Variants in SLC13A1 observed in about 807,000 individuals in gnomAD.
SLC13A1 encodes the protein solute carrier family 13 member 1.
Under a neutral mutation model 70.0 loss-of-function variants are expected in SLC13A1, and 65 were observed. That is an observed-to-expected ratio of 0.93 (90% CI 0.76 to 1.14). SLC13A1 has a LOEUF of 1.14. Among genes scored for constraint, SLC13A1 ranks in the 50% most tolerant of loss-of-function variants. The pLI is 0.00. For missense variants in SLC13A1, 726 were observed against 717.8 expected, an observed-to-expected ratio of 1.01 and a Z score of -0.13; for synonymous variants, 275 against 250.5, an observed-to-expected ratio of 1.10 and a Z score of -0.92.
At chr7:123,164,385 T>C (rs1795006603) in intron 6 of SLC13A1, among the ~76,000 whole-genome samples, 1 of 151,982 alleles carries the variant, frequency 6.6e-6, no homozygotes, top group African/African-American at 2.4e-5. Flanking sequence ...TGAAGTAAGC[T>C]TATTGATCAG....
intron 1 of SLC13A1, among the ~76,000 whole-genome samples, chr7:123,188,595 A>T (rs1795894414): frequency 1.3e-5 from 2 of 149,934 alleles, no homozygotes; most frequent in East Asian, 2.0e-4. Context: ...GTTCTTTTTC[A>T]TTTTTCTGTT....
At chr7:123,138,620 G>A (rs777267270) in intron 7 of SLC13A1, among the ~76,000 whole-genome samples, 12 of 151,976 alleles carry the variant, frequency 7.9e-5, no homozygotes, top group Non-Finnish European at 1.8e-4. Flanking sequence ...TTTTACCTGG[G>A]GTGAGATGAT....
chr7:123,173,350 A>T (rs2116572598), intron 2 of SLC13A1, among the ~76,000 whole-genome samples: 1 of 152,280 alleles, frequency 6.6e-6, no homozygotes, highest in Admixed American at 6.5e-5. Flanking sequence ...TTCATTTATG[A>T]TGTCTTTCAA....
chr7:123,199,965 T>A lies in SLC13A1; in HGVS notation c.-19A>T. 6.5e-7 allele frequency: 1 copy of A among 1,531,310 alleles called. No individual in the cohort carries two copies. Among genetic ancestry groups the A allele is most frequent in the Non-Finnish European group, 9.0e-7 (1 of 1,108,702 alleles). The allele number at this position is 1,531,310 out of a possible 1,614,324, so 94.9% of individuals were successfully genotyped here. ...ATTTCATTGTCCTGAGCAGGTGGCT[T>A]CAATAGTGTCCTCCAAATAAAGCAG... On this transcript the variant is annotated 5_prime_UTR_variant, in exon 1 of 15. Coordinates refer to ENST00000194130, the MANE Select transcript of SLC13A1 (RefSeq NM_022444.4).
chr7:123,131,699 A>T (rs1793766447), intron 8 of SLC13A1, among the ~76,000 whole-genome samples: 1 of 152,176 alleles, frequency 6.6e-6, no homozygotes, highest in Non-Finnish European at 1.5e-5. Flanking sequence ...GGAGGTAAAC[A>T]CCTTGGCAGA....
rs1794984723 is a variant in SLC13A1, at chr7:123,163,676, G to A, written c.660+4698C>T. On this transcript the variant is annotated intron_variant, in intron 6 of 14. Coordinates refer to ENST00000194130, the MANE Select transcript of SLC13A1 (RefSeq NM_022444.4). ...TTTCTACCCAAAATGAAACCAGTCT[G>A]ATCCATAGTGTTGACTTTAAATGTT... 3.3e-5 allele frequency among the ~76,000 whole-genome samples: 5 copies of A among 152,102 alleles called. No homozygotes were observed. The South Asian group carries it at 1.0e-3, about 32-fold the overall frequency.
At position 123,189,001 on chromosome 7, in the gene SLC13A1, G is replaced by C. The variant is rs369222171; in HGVS notation, c.100-7900C>G. On this transcript the variant is annotated intron_variant, in intron 1 of 14. Coordinates refer to ENST00000194130, the MANE Select transcript of SLC13A1 (RefSeq NM_022444.4). ...GTAGTGGCGGGCGCCTGTAGTCCCA[G>C]CTACTTGGGAGGCTGAGGCAGGAGA... Among the ~76,000 whole-genome samples the C allele has an allele frequency of 2.1e-3, 310 of 148,140 alleles. 3 individuals are homozygous for C. The highest frequency in any genetic ancestry group is 7.2e-3 in the African/African-American group (292 of 40,502).
At chr7:123,185,760 T>A (rs1429658355) in intron 1 of SLC13A1, among the ~76,000 whole-genome samples, 1 of 152,092 alleles carries the variant, frequency 6.6e-6, no homozygotes, top group Admixed American at 6.6e-5. Flanking sequence ...CTCTAACTAT[T>A]TGGGGTCTTT....
Position 123,148,862 on chromosome 7 carries a change from T to C in SLC13A1, c.661-1552A>G, listed in dbSNP as rs77256104. ...CACTCAGTTTTTAAACCTTCAACAT[T>C]TGGAATGTCAAGAGAAGAACAGGAT... is the stretch of plus-strand genomic sequence containing the variant. On this transcript the variant is annotated intron_variant, in intron 6 of 14. Coordinates refer to ENST00000194130, the MANE Select transcript of SLC13A1 (RefSeq NM_022444.4). Among the ~76,000 whole-genome samples, 184 of 152,196 alleles carry C rather than the reference T, an allele frequency of 1.2e-3. 2 individuals carry two copies. The East Asian group carries it at 0.032, about 26-fold the overall frequency.
intron 8 of SLC13A1, among the ~76,000 whole-genome samples, chr7:123,129,849 T>A (rs1385240711): frequency 2.6e-5 from 4 of 152,212 alleles, no homozygotes; most frequent in Non-Finnish European, 5.9e-5. Flanking sequence ...TCTTATATAT[T>A]TAAAATGTAT....
intron 7 of SLC13A1, among the ~76,000 whole-genome samples, chr7:123,146,914 T>C (rs991416296): frequency 6.6e-6 from 1 of 152,064 alleles, no homozygotes; most frequent in African/African-American, 2.4e-5. Flanking sequence ...TTAAGGGTGG[T>C]CAGCCAAGAG....
At chr7:123,147,488 G>T (rs1292004233) in intron 6 of SLC13A1, among the ~76,000 whole-genome samples, 178 bp from the exon 7 acceptor site, 2 of 151,914 alleles carry the variant, frequency 1.3e-5, no homozygotes, top group Non-Finnish European at 2.9e-5. Context: ...TGTGGCCCTG[G>T]TCTGATAGGA....
At chr7:123,145,018 T>G (rs1188888992) in intron 7 of SLC13A1, among the ~76,000 whole-genome samples, 1 of 152,200 alleles carries the variant, frequency 6.6e-6, no homozygotes, top group East Asian at 1.9e-4. Flanking sequence ...AAGCTACTTT[T>G]CCATTTTGTG....
At chr7:123,160,331 CA>C (rs1260861681) in intron 6 of SLC13A1, among the ~76,000 whole-genome samples, 3 of 149,250 alleles carry the variant, frequency 2.0e-5, no homozygotes, top group African/African-American at 7.4e-5. Flanking sequence ...ACTCAAAGAC[CA>C]AAAAAATTAA....
At chr7:123,164,648 T>C (rs528767123) in intron 6 of SLC13A1, among the ~76,000 whole-genome samples, 12 of 151,902 alleles carry the variant, frequency 7.9e-5, no homozygotes, top group Non-Finnish European at 1.2e-4. Context: ...TGCAAGTTTG[T>C]TATATAGGTA....
intron 7 of SLC13A1, among the ~76,000 whole-genome samples, chr7:123,143,774 T>A (rs1399149373): frequency 6.6e-6 from 1 of 152,172 alleles, no homozygotes; most frequent in Non-Finnish European, 1.5e-5. Context: ...CACGGGGTAC[T>A]ATCCATGGAG....
chr7:123,196,827 A>T (rs1161668660), intron 1 of SLC13A1, among the ~76,000 whole-genome samples: 1 of 152,144 alleles, frequency 6.6e-6, no homozygotes, highest in Non-Finnish European at 1.5e-5. Context: ...TGAAAGAGTA[A>T]GTCTTCAAAA....
intron 7 of SLC13A1, among the ~76,000 whole-genome samples, chr7:123,137,070 A>G (rs576548545): frequency 6.6e-5 from 10 of 152,318 alleles, no homozygotes; most frequent in African/African-American, 2.2e-4. Context: ...GGATTTTATT[A>G]CAAATGCAAT....
Position 123,120,070 on chromosome 7 carries a change from C to T in SLC13A1, c.1351-828G>A, listed in dbSNP as rs1196862310. Among the ~76,000 whole-genome samples, 81 of 152,066 alleles carry T rather than the reference C, an allele frequency of 5.3e-4. 1 individual carries two copies. The highest frequency in any genetic ancestry group is 5.3e-3 in the Admixed American group (81 of 15,240). On this transcript the variant is annotated intron_variant, in intron 12 of 14. Coordinates refer to ENST00000194130, the MANE Select transcript of SLC13A1 (RefSeq NM_022444.4). ...TAATTGATGTCTTTTCATGTTCCCTCACAGAAATATCTATTCTGGAATATT... is the reference window on the plus strand; with the variant it reads ...TAATTGATGTCTTTTCATGTTCCCTTACAGAAATATCTATTCTGGAATATT...
Sources: gnomAD v4.1 joint callset for allele counts (sites outside exome capture counted in the v4.1 genomes callset) on GRCh38, gnomAD v4.1.1 for gene constraint, MANE v1.5 for transcripts, NCBI Gene and HGNC (gene_info 2026-07-23, HGNC 2026-07-21) for gene names.